XXYLT1: variants seen among roughly 807,000 people sequenced by gnomAD.
XXYLT1 encodes the protein UDP-xylose:alpha-xyloside alpha-1,3-xylosyltransferase.
Under a neutral mutation model 28.9 loss-of-function variants are expected in XXYLT1, and 20 were observed. The observed-to-expected ratio is 0.69, with a 90% CI of 0.49 to 1.00. XXYLT1 has a LOEUF of 1.00. Among genes scored for constraint, XXYLT1 ranks in the 50% least tolerant of loss-of-function variants. The pLI is 0.00. For synonymous variants in XXYLT1, 257 were observed against 253.8 expected (o/e 1.01, Z -0.12); for missense variants, 542 against 560.1 (o/e 0.97, Z 0.33).
rs1334241866 is a variant in XXYLT1, at chr3:195,270,142, C to T, written c.504+413G>A. On this transcript the variant is annotated intron_variant, in intron 1 of 3. Transcript: ENST00000310380. ...ACTTCAACACTTCCAGAGGCCTCAC[C>T]AAGGCCCTCTCCAGTTGCTCAGGAT... 3 of 412,382 alleles carry T rather than the reference C, an allele frequency of 7.3e-6. No individual in the cohort carries two copies. In the East Asian group the frequency reaches 2.1e-4, roughly 29 times the overall value. The allele number at this position is 412,382 out of a possible 1,614,324, so 25.5% of individuals were successfully genotyped here.
At chr3:195,072,149 G>C (rs75431278) in intron 3 of XXYLT1, among the ~76,000 whole-genome samples, 2 of 152,080 alleles carry the variant, frequency 1.3e-5, no homozygotes, top group African/African-American at 2.4e-5. Context: ...GATGAGGAAC[G>C]ATGGAAAGGC....
In XXYLT1 at chr3:195,131,018, C is replaced by G. The variant is rs115183082; in HGVS notation, c.785+25431G>C. Among the ~76,000 whole-genome samples, 1,087 of 152,322 alleles carry G rather than the reference C, an allele frequency of 7.1e-3. 9 individuals are homozygous for G. Among genetic ancestry groups the G allele is most frequent in the African/African-American group, 0.025 (1,036 of 41,564 alleles). On this transcript the variant is annotated intron_variant, in intron 3 of 3. Coordinates refer to ENST00000310380, the MANE Select transcript of XXYLT1 (RefSeq NM_152531.5). ...TGCCAAGACCTGCAAATTCTGCAAG[C>G]AGGACCATTCAGGTCCCTCCTTCAA...
At chr3:195,135,936 T>C (rs1158078811) in intron 3 of XXYLT1, among the ~76,000 whole-genome samples, 1 of 152,160 alleles carries the variant, frequency 6.6e-6, no homozygotes, top group Non-Finnish European at 1.5e-5. Context: ...TGCCCTCTGA[T>C]AATGACCAAC....
At chr3:195,104,904 T>C (rs949641422) in intron 3 of XXYLT1, among the ~76,000 whole-genome samples, 1 of 152,240 alleles carries the variant, frequency 6.6e-6, no homozygotes, top group African/African-American at 2.4e-5. Flanking sequence ...ATTTGGTTCT[T>C]TGATTCGCAA....
At chr3:195,145,463 T>A (rs2108656335) in intron 3 of XXYLT1, among the ~76,000 whole-genome samples, 1 of 145,770 alleles carries the variant, frequency 6.9e-6, no homozygotes, top group Admixed American at 6.8e-5. Context: ...CCTGCGAGCA[T>A]CTCTGTGAAG....
intron 3 of XXYLT1, among the ~76,000 whole-genome samples, chr3:195,104,281 C>T (rs1017508389): frequency 1.3e-5 from 2 of 150,500 alleles, no homozygotes; most frequent in East Asian, 2.0e-4. Context: ...GAGAGGAAAA[C>T]GAGGCTCTAG....
chr3:195,110,232 TGTGGTGTGC>T (rs2108692679), intron 3 of XXYLT1, among the ~76,000 whole-genome samples: 3 of 70,504 alleles, frequency 4.3e-5, no homozygotes, highest in Non-Finnish European at 1.0e-4. Flanking sequence ...TGTATAAGTG[TGTGGTGTGC>T]GTGTGTGGGT....
rs911942482 is a variant in XXYLT1, at chr3:195,226,876, A to C, written c.505-20T>G. On this transcript the variant is annotated intron_variant, in intron 1 of 3. Transcript: ENST00000310380. ...GATGACCTGCAGCAGGTGCAAAAAA[A>C]ACCAAGGCTCAGCAAACCAGTTCTC... 4.3e-6 allele frequency: 7 copies of C among 1,611,794 alleles called. No homozygotes were observed. Among genetic ancestry groups the C allele is most frequent in the Non-Finnish European group, 5.9e-6 (7 of 1,179,156 alleles).
At position 195,256,373 on chromosome 3, in the gene XXYLT1, G is replaced by C; in HGVS notation, c.504+14182C>G. Reference sequence around the variant, plus strand: ...TGACGGTGACGATAAACCTGAGACAGCTCTGGTCATTCCAAGTCCCTCGCC... The same window carrying C: ...TGACGGTGACGATAAACCTGAGACACCTCTGGTCATTCCAAGTCCCTCGCC... On this transcript the variant is annotated intron_variant, in intron 1 of 3. Transcript: ENST00000310380. This position sits in a 1 kb window ranked among gnomAD's most constrained non-coding sequence, Gnocchi z 4.2. 1 of 558,246 alleles carries C rather than the reference G, an allele frequency of 1.8e-6. No homozygotes were observed. Among genetic ancestry groups the C allele is most frequent in the African/African-American group, 2.0e-5 (1 of 48,846 alleles). The allele number at this position is 558,246 out of a possible 1,614,324, so 34.6% of individuals were successfully genotyped here.
chr3:195,202,033 C>T (rs532291119), intron 2 of XXYLT1, among the ~76,000 whole-genome samples: 23 of 152,182 alleles, frequency 1.5e-4, no homozygotes, highest in Non-Finnish European at 2.8e-4. Flanking sequence ...AAAAATTAGC[C>T]AGGTGTGGTG....
Position 195,255,710 on chromosome 3 carries a change from GCT to G in XXYLT1, c.504+14843_504+14844del. The stretch of plus-strand genomic sequence containing the variant: ...AGGGAACCAGAGAGGGCACAGGAGA[GCT>G]GCTCCCAGTCTCCCTTGTCCACTGA... On this transcript the variant is annotated intron_variant, in intron 1 of 3. Transcript: ENST00000310380. The surrounding 1 kb of genome is among the most constrained non-coding windows in gnomAD (Gnocchi z 4.5). Among the ~76,000 whole-genome samples, 1 of 152,308 alleles carries G rather than the reference GCT, an allele frequency of 6.6e-6. No individual in the cohort carries two copies. Among genetic ancestry groups the G allele is most frequent in the African/African-American group, 2.4e-5 (1 of 41,572 alleles).
intron 3 of XXYLT1, chr3:195,134,407 C>T (rs540887527): frequency 6.6e-6 from 1 of 152,516 alleles, no homozygotes; most frequent in Non-Finnish European, 1.5e-5. Flanking sequence ...TTTACTCTTT[C>T]TATGTACTGT....
chr3:195,261,908 A>T (rs1725710745), intron 1 of XXYLT1, among the ~76,000 whole-genome samples: 1 of 152,220 alleles, frequency 6.6e-6, no homozygotes, highest in Non-Finnish European at 1.5e-5. Context: ...ACCTCCATAC[A>T]CTGCTGGTGG....
chr3:195,270,508 G>T, intron 1 of XXYLT1, 47 bp downstream of exon 1: 1 of 1,359,088 alleles, frequency 7.4e-7, no homozygotes, highest in Non-Finnish European at 9.4e-7. Flanking sequence ...CCTCGCCTAG[G>T]ATGGGGTGGG....
At chr3:195,194,982 C>T (rs539270003) in intron 2 of XXYLT1, among the ~76,000 whole-genome samples, 3 of 152,054 alleles carry the variant, frequency 2.0e-5, no homozygotes, top group African/African-American at 2.4e-5. Flanking sequence ...GAATTGTGGT[C>T]GTGGTTACAT....
intron 3 of XXYLT1, among the ~76,000 whole-genome samples, chr3:195,148,827 A>T (rs1308789063): frequency 6.6e-6 from 1 of 152,186 alleles, no homozygotes; most frequent in Non-Finnish European, 1.5e-5. Context: ...TCAGCTCTAA[A>T]CTCGGCCACA....
intron 3 of XXYLT1, among the ~76,000 whole-genome samples, chr3:195,075,006 C>T (rs1401085815): frequency 6.6e-6 from 1 of 152,194 alleles, no homozygotes; most frequent in East Asian, 1.9e-4. Flanking sequence ...AATCCCAGCA[C>T]TTTGGGAGGC....
At chr3:195,100,417 A>G (rs750889673) in intron 3 of XXYLT1, among the ~76,000 whole-genome samples, 2 of 152,194 alleles carry the variant, frequency 1.3e-5, no homozygotes, top group African/African-American at 2.4e-5. Context: ...TTTAGCACAC[A>G]CATCACAGCG....
chr3:195,134,483 G>A (rs115932131), intron 3 of XXYLT1: 1 of 154,916 alleles, frequency 6.5e-6, no homozygotes, highest in African/African-American at 2.4e-5. Flanking sequence ...GCTGCCTACA[G>A]TGTTCAGTAC....
Sources: gnomAD v4.1 joint callset for allele counts (sites outside exome capture counted in the v4.1 genomes callset) on GRCh38, gnomAD v4.1.1 for gene constraint, Gnocchi (gnomAD v3.1) non-coding constraint, MANE v1.5 for transcripts, NCBI Gene and HGNC (gene_info 2026-07-23, HGNC 2026-07-21) for gene names.